The following CEBPZOS variants were observed in gnomAD, a reference collection of about 807,000 sequenced individuals.
CEBPZOS encodes the protein CEBPZ opposite strand.
Under a neutral mutation model 4.8 loss-of-function variants are expected in CEBPZOS, and 10 were observed. That is an observed-to-expected ratio of 2.07 (90% CI 1.28 to 3.52). The LOEUF (loss-of-function observed/expected upper bound fraction) is 3.52, where lower values mean the gene tolerates loss of function less well. Among genes scored for constraint, CEBPZOS ranks in the 30% most tolerant of loss-of-function variants. CEBPZOS has a pLI of 0.00. For synonymous variants in CEBPZOS, 25 were observed against 14.2 expected, an observed-to-expected ratio of 1.77 and a Z score of -1.72; for missense variants, 98 against 43.6, an observed-to-expected ratio of 2.25 and a Z score of -3.51.
At chr2:37,211,311 C>T (rs1267630501) in intron 4 of CEBPZOS, 1 of 364,776 alleles carries the variant, frequency 2.7e-6, no homozygotes, top group Non-Finnish European at 4.9e-6. Context: ...TAAATAGCTT[C>T]ATTAATAAGA....
At chr2:37,199,077 CCA>C (rs1558459522) in intron 1 of CEBPZOS, among the ~76,000 whole-genome samples, 1 of 152,082 alleles carries the variant, frequency 6.6e-6, no homozygotes, top group East Asian at 1.9e-4. Context: ...TTGTTTGAGC[CCA>C]GTGAGCTGAG....
downstream of CEBPZOS, among the ~76,000 whole-genome samples, chr2:37,207,320 G>A (rs1344936828): frequency 1.3e-5 from 2 of 152,070 alleles, no homozygotes; most frequent in South Asian, 2.1e-4. Context: ...GATACCTACG[G>A]AACATTCTAC....
In CEBPZOS at chr2:37,203,403, A is replaced by G. The variant is rs78159615; in HGVS notation, c.*1543A>G. 710 of 154,070 alleles carry G rather than the reference A, an allele frequency of 4.6e-3. 6 individuals carry two copies. The highest frequency in any genetic ancestry group is 0.026 in the Middle Eastern group (8 of 302). 9.5% of individuals were successfully genotyped at this position (154,070 alleles called of 1,614,324 possible). A position where few individuals can be genotyped will look rare whatever the true frequency, so the allele number is the denominator to read the frequency against. On this transcript the variant is annotated 3_prime_UTR_variant, in exon 5 of 5. Transcript: ENST00000402297. ...CTTTAGATTGTAAAGAAATTGACTG[A>G]AAGTATGTTTATTATGCTATAAATG...
chr2:37,200,934 C>G lies in CEBPZOS; in HGVS notation c.116-114C>G, dbSNP rs1414629501. ...ACCAGAAAGACCTTCAAACAAATTT[C>G]TAATCTATATGGTTCCCATCATATG... is the stretch of plus-strand genomic sequence containing the variant. On this transcript the variant is annotated intron_variant, in intron 2 of 4. Transcript: ENST00000402297. The G allele has an allele frequency of 4.9e-6, 3 of 610,916 alleles. No individual in the cohort carries two copies. In the African/African-American group the frequency reaches 5.7e-5, roughly 12 times the overall value. 37.8% of individuals were successfully genotyped at this position (610,916 alleles called of 1,614,324 possible).
intron 4 of CEBPZOS, among the ~76,000 whole-genome samples, chr2:37,212,927 T>C (rs1308345857): frequency 6.8e-6 from 1 of 147,752 alleles, no homozygotes; most frequent in Non-Finnish European, 1.5e-5. Flanking sequence ...TAGTCCCAGC[T>C]ACCCGTGGGG....
chr2:37,208,499 T>A (rs2148343313), downstream of CEBPZOS, among the ~76,000 whole-genome samples: 1 of 152,184 alleles, frequency 6.6e-6, no homozygotes, highest in East Asian at 1.9e-4. Flanking sequence ...CATACGCAAG[T>A]CAATAAATAT....
At chr2:37,200,510 TAAAAAC>T (rs1384301515) in intron 2 of CEBPZOS, among the ~76,000 whole-genome samples, 1 of 152,128 alleles carries the variant, frequency 6.6e-6, no homozygotes, top group African/African-American at 2.4e-5. Context: ...CAACAGTATT[TAAAAAC>T]AAATTAAAGC....
chr2:37,207,847 A>C (rs1275074721), downstream of CEBPZOS, among the ~76,000 whole-genome samples: 1 of 152,168 alleles, frequency 6.6e-6, no homozygotes, highest in Non-Finnish European at 1.5e-5. Context: ...ACAAAAGATA[A>C]ATGAAACAAA....
At chr2:37,205,071 T>C (rs1394101091), downstream of CEBPZOS, among the ~76,000 whole-genome samples, 4 of 152,216 alleles carry the variant, frequency 2.6e-5, no homozygotes, top group Non-Finnish European at 4.4e-5. Context: ...GAAGACAAAA[T>C]CTGGAAGATA....
chr2:37,201,239 G>T lies in CEBPZOS; in HGVS notation c.160+147G>T. On this transcript the variant is annotated intron_variant, in intron 3 of 4. Transcript: ENST00000402297. ...TGAGACTAAATTCTCATCTATTCTA[G>T]TGAGAGGAGAATTAGGTAATGGGCT... 5.0e-6 allele frequency: 3 copies of T among 594,966 alleles called. No individual in the cohort carries two copies. In the Admixed American group the frequency reaches 9.2e-5, roughly 18 times the overall value. 36.9% of individuals were successfully genotyped at this position (594,966 alleles called of 1,614,324 possible).
chr2:37,211,051 C>G (rs1677705897), intron 4 of CEBPZOS: 1 of 1,611,992 alleles, frequency 6.2e-7, no homozygotes, highest in Non-Finnish European at 8.5e-7. Flanking sequence ...TCTTGCTTTT[C>G]TTAGTACTGA....
chr2:37,198,663 A>T (rs1193542261), intron 1 of CEBPZOS: 1 of 152,194 alleles, frequency 6.6e-6, no homozygotes, highest in Non-Finnish European at 1.5e-5. Context: ...GGTTTACATT[A>T]ATGTCTTCAG....
chr2:37,211,428 G>A (rs921030362), intron 4 of CEBPZOS: 2 of 235,040 alleles, frequency 8.5e-6, no homozygotes, highest in African/African-American at 4.5e-5. Context: ...TGAAAGGACA[G>A]AAAGGTCAGA....
At chr2:37,199,848 C>T (rs1319961749) in intron 2 of CEBPZOS, 29 bp downstream of exon 2, 1 of 713,176 alleles carries the variant, frequency 1.4e-6, no homozygotes, top group Non-Finnish European at 2.6e-6. Context: ...TTAATGCTTT[C>T]TAAAGGGGTA....
downstream of CEBPZOS, among the ~76,000 whole-genome samples, chr2:37,204,935 C>T (rs904424405): frequency 1.3e-5 from 2 of 152,136 alleles, no homozygotes; most frequent in Non-Finnish European, 2.9e-5. Flanking sequence ...CTTTTACCAG[C>T]ATCTTTTAAT....
chr2:37,201,526 C>G (rs1677232111), intron 3 of CEBPZOS, 116 bp from the exon 4 acceptor site: 2 of 609,034 alleles, frequency 3.3e-6, no homozygotes, highest in Admixed American at 6.2e-5. Flanking sequence ...TCCTACTGTC[C>G]TCTTTTTCAT....
At chr2:37,199,561 A>G in intron 1 of CEBPZOS, 143 bp from the exon 2 acceptor site, 1 of 484,392 alleles carries the variant, frequency 2.1e-6, no homozygotes, top group Non-Finnish European at 3.7e-6. Context: ...TGTCTAAACC[A>G]AAAAAGTATA....
intron 4 of CEBPZOS, 24 bp downstream of exon 4, chr2:37,201,750 T>C (rs1259581654): frequency 7.6e-7 from 1 of 1,312,576 alleles, no homozygotes; most frequent in East Asian, 2.4e-5. Flanking sequence ...TAATCTATAA[T>C]TTACATTAAT....
At chr2:37,210,426 G>C (rs764734482) in intron 4 of CEBPZOS, 1 of 152,214 alleles carries the variant, frequency 6.6e-6, no homozygotes, top group Non-Finnish European at 1.5e-5. Context: ...ATATACCATG[G>C]AATGCTACTC....
Sources: gnomAD v4.1 joint callset for allele counts (sites outside exome capture counted in the v4.1 genomes callset) on GRCh38, gnomAD v4.1.1 for gene constraint, MANE v1.5 for transcripts, NCBI Gene and HGNC (gene_info 2026-07-23, HGNC 2026-07-21) for gene names.